RIT2: variants seen among roughly 807,000 people sequenced by gnomAD.
RIT2 encodes the protein GTP-binding protein Rit2.
RIT2 carries 24 observed loss-of-function variants against 23.7 expected under a neutral mutation model. The ratio of observed to expected loss-of-function variants is 1.01; its 90% confidence interval spans 0.73 to 1.43. The LOEUF (loss-of-function observed/expected upper bound fraction) is 1.43, where lower values mean the gene tolerates loss of function less well. RIT2 is among the 40% of genes most tolerant of loss of function. The pLI, the probability that RIT2 is intolerant of heterozygous loss-of-function variation, is 0.00. For synonymous variants in RIT2, 107 were observed against 91.1 expected (o/e 1.17, Z -0.99); for missense variants, 236 against 266.9 (o/e 0.88, Z 0.81).
At chr18:42,818,371 T>C (rs1906055103) in intron 4 of RIT2, among the ~76,000 whole-genome samples, 1 of 152,044 alleles carries the variant, frequency 6.6e-6, no homozygotes, top group Non-Finnish European at 1.5e-5. Flanking sequence ...ATGTATAAAG[T>C]GGGATGCTTT....
chr18:42,854,002 T>C (rs2144040121), intron 4 of RIT2, among the ~76,000 whole-genome samples: 1 of 152,320 alleles, frequency 6.6e-6, no homozygotes, highest in South Asian at 2.1e-4. Context: ...TTATTTCTTA[T>C]TACTGGTAGC....
intron 4 of RIT2, among the ~76,000 whole-genome samples, chr18:42,807,591 T>C (rs965237405): frequency 5.3e-5 from 8 of 152,166 alleles, no homozygotes; most frequent in Admixed American, 1.3e-4. Flanking sequence ...CACTCCAGCC[T>C]GGGTGGCAAG....
intron 2 of RIT2, among the ~76,000 whole-genome samples, chr18:43,002,091 A>G (rs1911120469): frequency 6.6e-6 from 1 of 151,908 alleles, no homozygotes; most frequent in Non-Finnish European, 1.5e-5. Context: ...GAGTTCCAAA[A>G]CCTCAAAAGT....
chr18:43,048,663 T>C (rs534475811), intron 1 of RIT2, among the ~76,000 whole-genome samples: 1 of 152,174 alleles, frequency 6.6e-6, no homozygotes, highest in African/African-American at 2.4e-5. Flanking sequence ...TTTTAAACCA[T>C]TTTATTTGGA....
At chr18:42,936,200 T>A (rs1909455151) in intron 3 of RIT2, among the ~76,000 whole-genome samples, 1 of 152,108 alleles carries the variant, frequency 6.6e-6, no homozygotes, top group African/African-American at 2.4e-5. Context: ...TTCAATTCCC[T>A]GCCTCCAGAC....
intron 4 of RIT2, among the ~76,000 whole-genome samples, chr18:42,845,902 A>G (rs1401832844): frequency 6.6e-6 from 1 of 151,958 alleles, no homozygotes; most frequent in African/African-American, 2.4e-5. Flanking sequence ...GTTGCAACCT[A>G]GAGGGAAATT....
At chr18:43,036,343 C>G (rs1426401132) in intron 1 of RIT2, among the ~76,000 whole-genome samples, 1 of 152,290 alleles carries the variant, frequency 6.6e-6, no homozygotes, top group East Asian at 1.9e-4. Context: ...AGTCCTAGAA[C>G]AGCCTGGCCA....
intron 4 of RIT2, among the ~76,000 whole-genome samples, chr18:42,796,887 A>C (rs1208854142): frequency 6.6e-6 from 1 of 152,234 alleles, no homozygotes; most frequent in African/African-American, 2.4e-5. Context: ...TCCTTAAGTA[A>C]AGACAGAAGA....
At chr18:42,844,814 G>T (rs1906863689) in intron 4 of RIT2, among the ~76,000 whole-genome samples, 2 of 152,160 alleles carry the variant, frequency 1.3e-5, no homozygotes, top group South Asian at 2.1e-4. Context: ...TGGCTTGAAG[G>T]TGGGGTTTTA....
chr18:42,933,663 C>T (rs911037857), intron 3 of RIT2, among the ~76,000 whole-genome samples: 5 of 152,148 alleles, frequency 3.3e-5, no homozygotes, highest in Non-Finnish European at 5.9e-5. Context: ...ATATTTACTT[C>T]CTATTCCACC....
chr18:42,842,403 G>A (rs1298086850), intron 4 of RIT2, among the ~76,000 whole-genome samples: 2 of 152,008 alleles, frequency 1.3e-5, no homozygotes, highest in African/African-American at 2.4e-5. Flanking sequence ...AATTACTAAC[G>A]TAAAATATTT....
chr18:42,810,439 C>T (rs920034721), intron 4 of RIT2, among the ~76,000 whole-genome samples: 3 of 151,698 alleles, frequency 2.0e-5, no homozygotes, highest in African/African-American at 7.3e-5. Flanking sequence ...ATTAAAGTAA[C>T]CTATTAATTT....
At chr18:42,972,240 T>G (rs181933272) in intron 3 of RIT2, among the ~76,000 whole-genome samples, 135 of 152,038 alleles carry the variant, frequency 8.9e-4, no homozygotes, top group African/African-American at 3.1e-3. Flanking sequence ...ATTGAAATAA[T>G]TTTTCCATTG....
At chr18:43,000,691 G>A (rs1911083923) in intron 2 of RIT2, among the ~76,000 whole-genome samples, 1 of 151,882 alleles carries the variant, frequency 6.6e-6, no homozygotes, top group Non-Finnish European at 1.5e-5. Context: ...AGATCTGATG[G>A]TTTAAAAGTG....
intron 4 of RIT2, among the ~76,000 whole-genome samples, chr18:42,829,446 G>A (rs1906395817): frequency 2.0e-5 from 3 of 152,154 alleles, no homozygotes; most frequent in Admixed American, 1.3e-4. Flanking sequence ...ATTTCTAATT[G>A]GAGGGTGGCT....
intron 3 of RIT2, among the ~76,000 whole-genome samples, chr18:42,936,115 G>A (rs976472913): frequency 6.6e-6 from 1 of 151,866 alleles, no homozygotes; most frequent in Non-Finnish European, 1.5e-5. Context: ...TCACAAATTG[G>A]CCTTAGAGTC....
chr18:43,052,235 G>A (rs1312502618), intron 1 of RIT2, among the ~76,000 whole-genome samples: 2 of 151,988 alleles, frequency 1.3e-5, no homozygotes, highest in Non-Finnish European at 2.9e-5. Flanking sequence ...GCTAAATAAT[G>A]CAATTGATAT....
chr18:43,099,870 G>C (rs1003667305), intron 1 of RIT2, among the ~76,000 whole-genome samples: 1 of 151,992 alleles, frequency 6.6e-6, no homozygotes, highest in African/African-American at 2.4e-5. Context: ...AATATAACTA[G>C]AGTCTTATCA....
At chr18:43,049,449 C>T (rs2144306967) in intron 1 of RIT2, among the ~76,000 whole-genome samples, 1 of 152,208 alleles carries the variant, frequency 6.6e-6, no homozygotes, top group Middle Eastern at 3.4e-3. Context: ...CAAACAACTG[C>T]ACGACAGCTA....
Sources: allele counts gnomAD v4.1 joint callset (sites outside exome capture counted in the v4.1 genomes callset), GRCh38; gene constraint gnomAD v4.1.1; transcripts MANE v1.5; gene names NCBI Gene and HGNC (gene_info 2026-07-23, HGNC 2026-07-21).